Variants in PCCA observed in about 807,000 individuals in gnomAD.
The protein encoded by PCCA is propionyl-CoA carboxylase alpha chain, mitochondrial.
Under a neutral mutation model 101.3 loss-of-function variants are expected in PCCA, and 74 were observed. The observed-to-expected ratio is 0.73, with a 90% CI of 0.61 to 0.89. The LOEUF (loss-of-function observed/expected upper bound fraction) is 0.89. Among genes scored for constraint, PCCA ranks in the 40% least tolerant of loss-of-function variants. The pLI is 0.00. For synonymous variants in PCCA, 294 were observed against 313.6 expected, an observed-to-expected ratio of 0.94 and a Z score of 0.66; for missense variants, 891 against 907.0, an observed-to-expected ratio of 0.98 and a Z score of 0.23.
At chr13:100,517,622 AGGACCTCG>A (rs2086934522) in intron 22 of PCCA, among the ~76,000 whole-genome samples, 1 of 152,210 alleles carries the variant, frequency 6.6e-6, no homozygotes, top group South Asian at 2.1e-4. Flanking sequence ...GAACAGGCTC[AGGACCTCG>A]GGATCTGTCA....
In PCCA at chr13:100,386,671, G is replaced by A. The variant is rs549465404; in HGVS notation, c.1746+18097G>A. Among the ~76,000 whole-genome samples the A allele has an allele frequency of 2.6e-5, 4 of 152,292 alleles. No individual in the cohort carries two copies. In the South Asian group the frequency reaches 6.2e-4, roughly 24 times the overall value. ...GCTGGGATTACAGGCGTGAGCCACC[G>A]CGCCCAGCCCTGTGTGCTGCTTTAT... On this transcript the variant is annotated intron_variant, in intron 19 of 23. Coordinates refer to ENST00000376285, the MANE Select transcript of PCCA (RefSeq NM_000282.4).
intron 21 of PCCA, among the ~76,000 whole-genome samples, chr13:100,468,814 C>T (rs146979872): frequency 0.046 from 6,962 of 152,132 alleles, 197 homozygotes; most frequent in South Asian, 0.11. Context: ...CACTTGAGGT[C>T]AGGAGTTCGA....
At chr13:100,154,501 T>G (rs1223907218) in intron 4 of PCCA, 3 of 160,242 alleles carry the variant, frequency 1.9e-5, no homozygotes, top group East Asian at 3.5e-4. Context: ...TAGGCTTTAA[T>G]TTGTGCCTGG....
At position 100,171,626 on chromosome 13, in the gene PCCA, C is replaced by T. The variant is rs182649561; in HGVS notation, c.468+14286C>T. ...CTTTACGGCCAGACGCAGTGGCCTA[C>T]GCCTGTAATCCTAGCAGTTCGGGAG... On this transcript the variant is annotated intron_variant, in intron 6 of 23. Transcript: ENST00000376285. Among the ~76,000 whole-genome samples the T allele has an allele frequency of 1.8e-4, 27 of 152,364 alleles. No homozygotes were observed. In the East Asian group the frequency reaches 1.9e-3, roughly 11 times the overall value.
intron 20 of PCCA, among the ~76,000 whole-genome samples, chr13:100,431,939 C>G (rs1374608692): frequency 1.3e-5 from 2 of 151,910 alleles, no homozygotes; most frequent in Non-Finnish European, 2.9e-5. Context: ...CCTGTAATCC[C>G]AGCACTTTGG....
At chr13:100,271,642 A>G (rs1011477866) in intron 11 of PCCA, among the ~76,000 whole-genome samples, 4 of 152,226 alleles carry the variant, frequency 2.6e-5, no homozygotes, top group Non-Finnish European at 4.4e-5. Flanking sequence ...TTGGATCCTG[A>G]TTCAAAGAAA....
chr13:100,435,430 C>G (rs1354358660), intron 20 of PCCA, among the ~76,000 whole-genome samples: 3 of 152,204 alleles, frequency 2.0e-5, no homozygotes, highest in East Asian at 1.9e-4. Context: ...TATTAAGGAG[C>G]ATTTAACTTC....
rs1354185201 is a variant in PCCA at position 100,449,309 on chromosome 13, A to G, written c.1899+4A>G. ...CATTCAGTTTCTTGGTACAGTGGTA[A>G]GTATGAAATCATTCTTTATTCTCTT... is the stretch of plus-strand genomic sequence containing the variant. On this transcript the variant is annotated splice_donor_region_variant and intron_variant, in intron 21 of 23. Transcript: ENST00000376285. The G allele has an allele frequency of 6.7e-7, 1 of 1,496,358 alleles. No homozygotes were observed. Among genetic ancestry groups the G allele is most frequent in the Non-Finnish European group, 9.1e-7 (1 of 1,097,614 alleles). 92.7% of individuals were successfully genotyped at this position (1,496,358 alleles called of 1,614,324 possible). A position where few individuals can be genotyped will look rare whatever the true frequency, so the allele number is the denominator to read the frequency against.
chr13:100,117,289 A>C (rs2048880806), intron 4 of PCCA, among the ~76,000 whole-genome samples: 1 of 152,206 alleles, frequency 6.6e-6, no homozygotes, highest in South Asian at 2.1e-4. Context: ...AAAATTAGAA[A>C]AGTAGTACCA....
At chr13:100,493,363 C>A (rs2085046229) in intron 21 of PCCA, among the ~76,000 whole-genome samples, 1 of 152,148 alleles carries the variant, frequency 6.6e-6, no homozygotes. Flanking sequence ...TGTGCGCTGC[C>A]CCACCAAGCT....
chr13:100,240,541 T>C (rs908039415), intron 8 of PCCA, among the ~76,000 whole-genome samples: 2 of 152,148 alleles, frequency 1.3e-5, no homozygotes, highest in Non-Finnish European at 2.9e-5. Context: ...CTCTGTCTTA[T>C]AACTATTTTC....
intron 12 of PCCA, among the ~76,000 whole-genome samples, chr13:100,300,912 T>C (rs567833147): frequency 2.0e-5 from 3 of 152,230 alleles, no homozygotes; most frequent in African/African-American, 7.2e-5. Context: ...CCCAAGTCAG[T>C]GTGGAGGGAA....
intron 6 of PCCA, among the ~76,000 whole-genome samples, chr13:100,185,810 A>G (rs1199626997): frequency 2.6e-5 from 4 of 151,676 alleles, no homozygotes; most frequent in African/African-American, 7.3e-5. Flanking sequence ...ACCCCGCCTG[A>G]CTAATTTTGT....
chr13:100,396,658 A>G (rs2077058034), intron 19 of PCCA, among the ~76,000 whole-genome samples: 1 of 152,264 alleles, frequency 6.6e-6, no homozygotes, highest in Non-Finnish European at 1.5e-5. Flanking sequence ...AATAAAAATA[A>G]GACAAAAAAT....
chr13:100,476,010 T>G, intron 21 of PCCA, among the ~76,000 whole-genome samples: 1 of 152,350 alleles, frequency 6.6e-6, no homozygotes, highest in East Asian at 1.9e-4. Flanking sequence ...TCAGTTAATA[T>G]ATATTTTCTA....
At chr13:100,348,460 A>G (rs1160469741) in intron 18 of PCCA, among the ~76,000 whole-genome samples, 1 of 152,168 alleles carries the variant, frequency 6.6e-6, no homozygotes, top group Non-Finnish European at 1.5e-5. Flanking sequence ...TTTAATAATT[A>G]TTCTTAAACA....
At chr13:100,266,695 T>C (rs1036645225) in intron 10 of PCCA, among the ~76,000 whole-genome samples, 2 of 152,180 alleles carry the variant, frequency 1.3e-5, no homozygotes, top group Non-Finnish European at 2.9e-5. Context: ...CTATGTCCTT[T>C]CCACAATGAA....
intron 19 of PCCA, among the ~76,000 whole-genome samples, chr13:100,417,071 A>G (rs1017378566): frequency 3.1e-4 from 47 of 149,928 alleles, no homozygotes; most frequent in African/African-American, 1.1e-3. Context: ...TCGAACTCCC[A>G]ACCTCAGGTG....
At chr13:100,341,981 A>ATATATATATG (rs2071423093) in intron 18 of PCCA, among the ~76,000 whole-genome samples, 1 of 107,660 alleles carries the variant, frequency 9.3e-6, no homozygotes, top group African/African-American at 3.4e-5. Flanking sequence ...ATATATATAT[A>ATATATATATG]TGTATTTATG....
Sources: allele counts gnomAD v4.1 joint callset (sites outside exome capture counted in the v4.1 genomes callset), GRCh38; gene constraint gnomAD v4.1.1; transcripts MANE v1.5; gene names NCBI Gene and HGNC (gene_info 2026-07-23, HGNC 2026-07-21).